GNB4: variants seen among roughly 807,000 people sequenced by gnomAD.
GNB4 encodes G protein subunit beta 4, also known as guanine nucleotide-binding protein subunit beta-4.
A neutral mutation model predicts 45.2 loss-of-function variants in GNB4; 28 were observed. The ratio of observed to expected loss-of-function variants is 0.62; its 90% CI spans 0.46 to 0.85. The LOEUF (loss-of-function observed/expected upper bound fraction) is 0.85, where lower values mean the gene tolerates loss of function less well. Among genes scored for constraint, GNB4 ranks in the 40% least tolerant of loss-of-function variants. The probability of loss-of-function intolerance (pLI) is 0.00; values close to 1 mark genes in which losing one functional copy is unlikely to be tolerated. For synonymous variants in GNB4, 132 were observed against 143.7 expected, an observed-to-expected ratio of 0.92 and a Z score of 0.58; for missense variants, 321 against 425.4, an observed-to-expected ratio of 0.75 and a Z score of 2.16.
the GNB4 span, chr3:179,464,332 C>T: frequency 1.4e-6 from 1 of 696,808 alleles, no homozygotes; most frequent in Admixed American, 2.3e-5. Context: ...CCGGCGCAGT[C>T]ACCGGCACAG....
chr3:179,465,267 T>C, the GNB4 span: 19 of 1,489,848 alleles, frequency 1.3e-5, no homozygotes, highest in Admixed American at 5.1e-5. Context: ...ATCACTCCAG[T>C]TCCTGGAGGT....
At chr3:179,523,686 C>G in the GNB4 span, among the ~76,000 whole-genome samples, 1 of 151,984 alleles carries the variant, frequency 6.6e-6, no homozygotes, top group Non-Finnish European at 1.5e-5. Flanking sequence ...TGGTGTTGAG[C>G]AGGGTAAGGG....
the GNB4 span, among the ~76,000 whole-genome samples, chr3:179,467,670 A>G: frequency 6.6e-6 from 1 of 152,212 alleles, no homozygotes; most frequent in African/African-American, 2.4e-5. Flanking sequence ...TGTCAGATGC[A>G]CTGTGGCTGT....
chr3:179,459,597 G>A, the GNB4 span, among the ~76,000 whole-genome samples: 315 of 151,868 alleles, frequency 2.1e-3, no homozygotes, highest in African/African-American at 7.2e-3. Flanking sequence ...CAGGAGAATC[G>A]CTTGAACCTG....
chr3:179,519,490 C>T, the GNB4 span, among the ~76,000 whole-genome samples: 4 of 152,276 alleles, frequency 2.6e-5, no homozygotes, highest in East Asian at 1.9e-4. Context: ...TTTCCCTTGC[C>T]TCCATAACTG....
At position 179,443,991 on chromosome 3, in the gene GNB4, C is replaced by T. The variant is rs189309332; in HGVS notation, c.-43+7355G>A. Among the ~76,000 whole-genome samples the T allele has an allele frequency of 2.0e-5, 3 of 152,234 alleles. No individual in the cohort carries two copies. In the East Asian group the frequency reaches 5.8e-4, roughly 29 times the overall value. ...TGATTTTCCTATTCACGTTTTTATC[C>T]TACAACACTCTCTATCACATATACC... On this transcript the variant is annotated intron_variant, in intron 1 of 9. Coordinates refer to ENST00000232564, the MANE Select transcript of GNB4 (RefSeq NM_021629.4).
intron 1 of GNB4, among the ~76,000 whole-genome samples, chr3:179,436,805 TG>T (rs1269355025): frequency 1.3e-5 from 2 of 152,254 alleles, no homozygotes; most frequent in African/African-American, 4.8e-5. Context: ...TCTTGTTTTT[TG>T]TTTTGCTACC....
At chr3:179,521,048 A>G in the GNB4 span, among the ~76,000 whole-genome samples, 337 of 152,238 alleles carry the variant, frequency 2.2e-3, 1 homozygote, top group African/African-American at 7.8e-3. Context: ...TACACATCAA[A>G]CTCGGGGATT....
intron 1 of GNB4, among the ~76,000 whole-genome samples, chr3:179,450,602 G>A (rs1715843492): frequency 6.6e-6 from 1 of 152,136 alleles, no homozygotes; most frequent in Non-Finnish European, 1.5e-5. Context: ...GGGAACACAA[G>A]GAGACGAAAA....
At chr3:179,507,354 G>A in the GNB4 span, among the ~76,000 whole-genome samples, 1 of 152,026 alleles carries the variant, frequency 6.6e-6, no homozygotes, top group African/African-American at 2.4e-5. Context: ...TTCCCAGAGG[G>A]TTCACTGAAA....
the GNB4 span, among the ~76,000 whole-genome samples, chr3:179,471,943 G>A: frequency 6.6e-6 from 1 of 152,074 alleles, no homozygotes; most frequent in Admixed American, 6.6e-5. Context: ...TGCACACAAT[G>A]ATTAATGAAT....
At chr3:179,478,973 T>G in the GNB4 span, among the ~76,000 whole-genome samples, 1 of 152,178 alleles carries the variant, frequency 6.6e-6, no homozygotes, top group Non-Finnish European at 1.5e-5. Flanking sequence ...CTGCCATGAT[T>G]GTAAGTTTCC....
At chr3:179,512,998 A>AT in the GNB4 span, among the ~76,000 whole-genome samples, 3,672 of 150,568 alleles carry the variant, frequency 0.024, 78 homozygotes, top group South Asian at 0.079. Context: ...AATAGTCTCT[A>AT]TTTTTTTTTA....
the GNB4 span, among the ~76,000 whole-genome samples, chr3:179,461,074 C>T: frequency 5.3e-5 from 8 of 152,130 alleles, no homozygotes; most frequent in Admixed American, 1.3e-4. Context: ...CGAGTTCCTT[C>T]TGCTCCTCTT....
chr3:179,518,354 T>C, the GNB4 span, among the ~76,000 whole-genome samples: 1 of 152,202 alleles, frequency 6.6e-6, no homozygotes, highest in Non-Finnish European at 1.5e-5. Flanking sequence ...CTTTTACACA[T>C]GGTTCCCTCC....
the GNB4 span, among the ~76,000 whole-genome samples, chr3:179,461,288 G>C: frequency 2.6e-3 from 390 of 152,174 alleles, no homozygotes; most frequent in African/African-American, 9.0e-3. Context: ...ACGAGGTCAG[G>C]AGATCGAGAC....
chr3:179,466,110 G>A, the GNB4 span, among the ~76,000 whole-genome samples: 87,912 of 150,148 alleles, frequency 0.59, 25,815 homozygotes, highest in East Asian at 0.76. Flanking sequence ...TCTCGGGTTC[G>A]AACAATTCTT....
the GNB4 span, among the ~76,000 whole-genome samples, chr3:179,488,984 C>CAAAAAA: frequency 1.1e-4 from 2 of 18,696 alleles, no homozygotes; most frequent in Non-Finnish European, 1.8e-4. Flanking sequence ...ATCCTGTATC[C>CAAAAAA]AAAAAAAAAA....
In GNB4 at chr3:179,449,178, A is replaced by G. The variant is rs75260449; in HGVS notation, c.-43+2168T>C. Reference sequence around the variant, plus strand: ...AATCCTGTTTGTAACCTTCCAAATTAGTTATAACTCTATCTCTAGAGAACC... The same window carrying G: ...AATCCTGTTTGTAACCTTCCAAATTGGTTATAACTCTATCTCTAGAGAACC... On this transcript the variant is annotated intron_variant, in intron 1 of 9. Coordinates refer to ENST00000232564, the MANE Select transcript of GNB4 (RefSeq NM_021629.4). 6.2e-3 allele frequency among the ~76,000 whole-genome samples: 940 copies of G among 152,320 alleles called. 8 individuals are homozygous for G. Among genetic ancestry groups the G allele is most frequent in the African/African-American group, 0.022 (898 of 41,560 alleles).
Sources: allele counts gnomAD v4.1 joint callset (sites outside exome capture counted in the v4.1 genomes callset), GRCh38; gene constraint gnomAD v4.1.1; transcripts MANE v1.5; gene names NCBI Gene and HGNC (gene_info 2026-07-23, HGNC 2026-07-21).